Variants in NEK10 observed in about 807,000 individuals in gnomAD.
NEK10 encodes serine/threonine-protein kinase Nek10.
Under a neutral mutation model 159.8 loss-of-function variants are expected in NEK10, and 122 were observed. That is an observed-to-expected ratio of 0.76 (90% CI 0.66 to 0.89). The LOEUF (loss-of-function observed/expected upper bound fraction) is 0.89, where lower values mean the gene tolerates loss of function less well. NEK10 is among the 40% of genes least tolerant of loss of function. The pLI, the probability that NEK10 is intolerant of heterozygous loss-of-function variation, is 0.00. For missense variants in NEK10, 1,342 were observed against 1,323.1 expected (o/e 1.01, Z -0.22); for synonymous variants, 466 against 457.1 (o/e 1.02, Z -0.25).
rs559659668 is a variant in NEK10, at chr3:27,138,061, G to C, written c.2970+3421C>G. ...CCCTGGAGGGATGCTGAAGGAGGAT[G>C]GATCTTGTTTCCTGGCTCCAGTGAT... On this transcript the variant is annotated intron_variant, in intron 31 of 35. Transcript: ENST00000691995. Among the ~76,000 whole-genome samples the C allele has an allele frequency of 3.9e-5, 6 of 152,328 alleles. No individual in the cohort carries two copies. In the South Asian group the frequency reaches 1.2e-3, roughly 32 times the overall value.
intron 23 of NEK10, among the ~76,000 whole-genome samples, chr3:27,204,392 C>T (rs1206110875): frequency 9.2e-6 from 1 of 109,190 alleles, no homozygotes; most frequent in Non-Finnish European, 1.7e-5. Flanking sequence ...ATGTGCCATG[C>T]TGGTGCGCTG....
At chr3:27,246,411 T>C (rs1156913019) in intron 23 of NEK10, among the ~76,000 whole-genome samples, 4 of 152,180 alleles carry the variant, frequency 2.6e-5, no homozygotes, top group Non-Finnish European at 5.9e-5. Flanking sequence ...TTAAATTTTT[T>C]ATTTTTAACT....
intron 29 of NEK10, among the ~76,000 whole-genome samples, chr3:27,164,409 T>C (rs1245307234): frequency 6.6e-6 from 1 of 152,200 alleles, no homozygotes; most frequent in African/African-American, 2.4e-5. Context: ...TGGAAACCGA[T>C]TGTAAGCATC....
intron 30 of NEK10, among the ~76,000 whole-genome samples, chr3:27,157,101 C>T (rs964605421): frequency 6.6e-6 from 1 of 150,996 alleles, no homozygotes; most frequent in African/African-American, 2.4e-5. Context: ...AACATTGTAT[C>T]TTCTCACTGA....
chr3:27,206,635 G>C (rs191997045), intron 23 of NEK10: 1 of 985,080 alleles, frequency 1.0e-6, no homozygotes, highest in East Asian at 1.1e-4. Flanking sequence ...CTGGTAACTC[G>C]CAGACCTAAT....
intron 23 of NEK10, among the ~76,000 whole-genome samples, chr3:27,209,778 A>G (rs1950843430): frequency 6.6e-6 from 1 of 152,172 alleles, no homozygotes; most frequent in Admixed American, 6.5e-5. Context: ...CATGTGAACA[A>G]AACCAGAATA....
chr3:27,178,241 C>T lies in NEK10; in HGVS notation c.2506-3408G>A, dbSNP rs1188095117. ...ATTTTCAGTTGAATAGCAATTCTAA[C>T]AGTAACAGACTGACATTACCCAAAT... On this transcript the variant is annotated intron_variant, in intron 26 of 35. Coordinates refer to ENST00000691995, the MANE Select transcript of NEK10 (RefSeq NM_001394966.1). Among the ~76,000 whole-genome samples the T allele has an allele frequency of 2.6e-5, 4 of 152,118 alleles. No homozygotes were observed. In the South Asian group the frequency reaches 6.2e-4, roughly 24 times the overall value.
At chr3:27,201,994 A>T (rs1358178805) in intron 24 of NEK10, among the ~76,000 whole-genome samples, 2 of 152,024 alleles carry the variant, frequency 1.3e-5, no homozygotes, top group South Asian at 2.1e-4. Context: ...CCTAAAAAAA[A>T]AAATAAAAAA....
At chr3:27,291,804 G>A (rs1021454063) in intron 16 of NEK10, among the ~76,000 whole-genome samples, 3 of 151,840 alleles carry the variant, frequency 2.0e-5, no homozygotes, top group Non-Finnish European at 1.5e-5. Context: ...CACCATGCCC[G>A]GCTAATTTTT....
intron 11 of NEK10, among the ~76,000 whole-genome samples, chr3:27,307,187 C>T (rs900790777): frequency 4.6e-5 from 7 of 152,178 alleles, no homozygotes; most frequent in Non-Finnish European, 7.4e-5. Context: ...ATATTTAATG[C>T]TCTTTTATGA....
intron 29 of NEK10, among the ~76,000 whole-genome samples, chr3:27,167,620 G>T (rs1009821160): frequency 1.3e-5 from 2 of 152,060 alleles, no homozygotes; most frequent in African/African-American, 2.4e-5. Context: ...TATGAAACTC[G>T]CATAAAAACT....
chr3:27,289,881 T>A (rs2042878182), intron 19 of NEK10, among the ~76,000 whole-genome samples: 1 of 152,180 alleles, frequency 6.6e-6, no homozygotes, highest in South Asian at 2.1e-4. Flanking sequence ...TGAACAAAGG[T>A]CTCCTTGTTT....
In NEK10 at chr3:27,290,730, G is replaced by C; in HGVS notation, c.1630C>G (p.Leu544Val). ...AAATTGACCTCTTTCATTGCTAAAA[G>C]ATTTTGACCACTATGCTTTCTAACC... ...YKVRKHSGQN[L>V]LAMKEVNLHN... is the part of the protein sequence containing the mutation. The change falls in exon 19 of 36, where the codon CTT (leucine) becomes GTT (valine). Residue 544 changes from leucine to valine, a missense_variant. Transcript: ENST00000691995. 1.2e-6 allele frequency: 2 copies of C among 1,608,348 alleles called. No homozygotes were observed. Among genetic ancestry groups the C allele is most frequent in the Non-Finnish European group, 1.7e-6 (2 of 1,176,672 alleles).
chr3:27,232,718 A>G (rs1013300282), intron 23 of NEK10, among the ~76,000 whole-genome samples: 1 of 151,974 alleles, frequency 6.6e-6, no homozygotes, highest in African/African-American at 2.4e-5. Flanking sequence ...ATAGGCATGG[A>G]GACAATGGAA....
chr3:27,173,549 C>A (rs1234124019), intron 28 of NEK10, among the ~76,000 whole-genome samples: 3 of 152,134 alleles, frequency 2.0e-5, no homozygotes, highest in African/African-American at 7.2e-5. Flanking sequence ...AACATCTAAT[C>A]ATCATTTCGA....
At chr3:27,245,317 C>T (rs1217136121) in intron 23 of NEK10, among the ~76,000 whole-genome samples, 4 of 152,180 alleles carry the variant, frequency 2.6e-5, no homozygotes, top group Non-Finnish European at 4.4e-5. Context: ...TACCATGCAC[C>T]TGCTTCCATC....
At chr3:27,262,913 T>G (rs2040541606) in intron 22 of NEK10, among the ~76,000 whole-genome samples, 2 of 152,162 alleles carry the variant, frequency 1.3e-5, no homozygotes, top group African/African-American at 4.8e-5. Context: ...GCACTCTGAT[T>G]TTTAGAGTTT....
chr3:27,251,049 G>T (rs1483499565), intron 23 of NEK10, among the ~76,000 whole-genome samples: 1 of 152,058 alleles, frequency 6.6e-6, no homozygotes, highest in Non-Finnish European at 1.5e-5. Flanking sequence ...TGCCAGCCAG[G>T]CACTGTTCCC....
chr3:27,221,399 T>G (rs1220335557), intron 23 of NEK10, among the ~76,000 whole-genome samples: 2 of 152,108 alleles, frequency 1.3e-5, no homozygotes, highest in Non-Finnish European at 1.5e-5. Flanking sequence ...AAAACCATAG[T>G]GAGATACCAT....
Sources: allele counts gnomAD v4.1 joint callset (sites outside exome capture counted in the v4.1 genomes callset), GRCh38; gene constraint gnomAD v4.1.1; transcripts MANE v1.5; gene names NCBI Gene and HGNC (gene_info 2026-07-23, HGNC 2026-07-21).